The following MYO5B variants were observed in gnomAD, a reference collection of about 807,000 sequenced individuals.
The protein encoded by MYO5B is unconventional myosin-Vb.
In MYO5B, 143 loss-of-function variants were observed where a neutral mutation model predicts 229.3. The observed-to-expected ratio is 0.62, with a 90% CI of 0.54 to 0.72. The LOEUF (loss-of-function observed/expected upper bound fraction) is 0.72. Among genes scored for constraint, MYO5B ranks in the 30% least tolerant of loss-of-function variants. The pLI is 0.00. For missense variants in MYO5B, 2,321 were observed against 2,331.0 expected (o/e 1.00, Z 0.09); for synonymous variants, 918 against 885.2 (o/e 1.04, Z -0.66).
Position 49,848,009 on chromosome 18 carries a change from G to A in MYO5B, c.4316-720C>T, listed in dbSNP as rs750335057. On this transcript the variant is annotated intron_variant, in intron 32 of 39. Transcript: ENST00000285039. ...AAAGGCCTGGTCAACCCTCACTCAG[G>A]CCTCTCCTCAGCCTCACACCATGGT... Among the ~76,000 whole-genome samples, 9 of 152,262 alleles carry A rather than the reference G, an allele frequency of 5.9e-5. No individual in the cohort carries two copies. The East Asian group carries it at 1.5e-3, about 26-fold the overall frequency.
rs549203565 is a variant in MYO5B at position 49,932,227 on chromosome 18, G to A, written c.2004-2629C>T. 4.6e-4 allele frequency among the ~76,000 whole-genome samples: 70 copies of A among 152,196 alleles called. 2 individuals are homozygous for A. In the South Asian group the frequency reaches 0.013, roughly 28 times the overall value. On this transcript the variant is annotated intron_variant, in intron 16 of 39. Coordinates refer to ENST00000285039, the MANE Select transcript of MYO5B (RefSeq NM_001080467.3). ...TTCCTGACCTCTGGCATCCCAGTTC[G>A]GTCCTGTTGAAGGGCCAGGCAATGG...
chr18:50,181,539 G>A (rs1157496917), intron 1 of MYO5B, among the ~76,000 whole-genome samples: 1 of 152,208 alleles, frequency 6.6e-6, no homozygotes, highest in Non-Finnish European at 1.5e-5. Flanking sequence ...CTATCTTCCA[G>A]ACAAAGATAT....
chr18:49,924,876 A>G (rs922749743), intron 17 of MYO5B, among the ~76,000 whole-genome samples: 1 of 152,188 alleles, frequency 6.6e-6, no homozygotes, highest in Non-Finnish European at 1.5e-5. Flanking sequence ...CCATGCCACA[A>G]TGTCCTTTCT....
At chr18:50,000,522 C>T (rs1011350460) in intron 5 of MYO5B, among the ~76,000 whole-genome samples, 9 of 152,172 alleles carry the variant, frequency 5.9e-5, no homozygotes, top group Non-Finnish European at 1.3e-4. Flanking sequence ...TCTAATCCAT[C>T]AAAATGAAGG....
intron 17 of MYO5B, among the ~76,000 whole-genome samples, chr18:49,912,684 C>T (rs1418955880): frequency 6.6e-6 from 1 of 152,170 alleles, no homozygotes; most frequent in Non-Finnish European, 1.5e-5. Context: ...CTTTGCTCCT[C>T]CTTTGTCTTC....
chr18:49,865,989 C>T (rs948029363), intron 27 of MYO5B, among the ~76,000 whole-genome samples: 13 of 152,332 alleles, frequency 8.5e-5, no homozygotes, highest in African/African-American at 2.4e-4. Flanking sequence ...ATTCCCTCAT[C>T]ATCCTTTCTG....
chr18:50,056,045 G>A (rs1366186410), intron 1 of MYO5B, among the ~76,000 whole-genome samples: 1 of 152,148 alleles, frequency 6.6e-6, no homozygotes, highest in African/African-American at 2.4e-5. Context: ...AAAGTGTTGG[G>A]ATGACAGACA....
intron 1 of MYO5B, among the ~76,000 whole-genome samples, chr18:50,173,450 G>A (rs1026075625): frequency 3.9e-5 from 6 of 152,172 alleles, no homozygotes; most frequent in Non-Finnish European, 7.4e-5. Flanking sequence ...TTCCAAAAGA[G>A]GAGTGACAGA....
At chr18:50,038,126 G>A (rs1302370618) in intron 3 of MYO5B, among the ~76,000 whole-genome samples, 1 of 152,128 alleles carries the variant, frequency 6.6e-6, no homozygotes, top group Non-Finnish European at 1.5e-5. Flanking sequence ...GCCTGTAGAA[G>A]GAAAAAATTG....
intron 10 of MYO5B, chr18:49,969,728 G>A (rs1235057893): frequency 1.3e-5 from 2 of 152,190 alleles, no homozygotes; most frequent in African/African-American, 4.8e-5. Flanking sequence ...GAATAGAGTT[G>A]GATGCTAATT....
chr18:50,101,731 A>C (rs1477349750), intron 1 of MYO5B, among the ~76,000 whole-genome samples: 4 of 152,194 alleles, frequency 2.6e-5, no homozygotes, highest in Non-Finnish European at 5.9e-5. Flanking sequence ...TAAAAAGTAA[A>C]GAAACAATAG....
At chr18:50,064,412 C>A (rs2030767571) in intron 1 of MYO5B, 1 of 152,234 alleles carries the variant, frequency 6.6e-6, no homozygotes, top group African/African-American at 2.4e-5. Context: ...CAGATCCAAT[C>A]AAGTAGCTAA....
chr18:50,073,065 T>G (rs2030995841), intron 1 of MYO5B, among the ~76,000 whole-genome samples: 1 of 152,200 alleles, frequency 6.6e-6, no homozygotes, highest in African/African-American at 2.4e-5. Context: ...CACCTAATCC[T>G]TCACACAGGA....
chr18:49,891,379 G>C (rs2024712607), intron 22 of MYO5B, among the ~76,000 whole-genome samples: 1 of 152,142 alleles, frequency 6.6e-6, no homozygotes, highest in South Asian at 2.1e-4. Flanking sequence ...AGCCCTTGGG[G>C]GGTAATTCAC....
chr18:49,897,816 A>G (rs1317040148), intron 21 of MYO5B, among the ~76,000 whole-genome samples: 1 of 152,188 alleles, frequency 6.6e-6, no homozygotes, highest in Non-Finnish European at 1.5e-5. Context: ...GACAGTTTAT[A>G]AAGTCGATAG....
At position 49,824,528 on chromosome 18, in the gene MYO5B, T is replaced by A. The variant is rs2023818185; in HGVS notation, c.*1943A>T. ...AGTGTATAAGGATAGTAAGCCACTG[T>A]GTTTGTGGAACCACTGCATGTCAAA... On this transcript the variant is annotated 3_prime_UTR_variant, in exon 40 of 40. Coordinates refer to ENST00000285039, the MANE Select transcript of MYO5B (RefSeq NM_001080467.3). 6.6e-6 allele frequency: 1 copy of A among 152,434 alleles called. No homozygotes were observed. The highest frequency in any genetic ancestry group is 2.4e-5 in the African/African-American group (1 of 41,486). The allele number at this position is 152,434 out of a possible 1,614,324, so 9.4% of individuals were successfully genotyped here.
chr18:50,103,055 C>A (rs1440207807), intron 1 of MYO5B, among the ~76,000 whole-genome samples: 1 of 152,240 alleles, frequency 6.6e-6, no homozygotes, highest in Non-Finnish European at 1.5e-5. Context: ...CCCACTTCTC[C>A]CCTGCCCCGC....
intron 13 of MYO5B, among the ~76,000 whole-genome samples, chr18:49,954,022 A>ATGTG (rs1265216409): frequency 8.5e-5 from 11 of 129,902 alleles, no homozygotes; most frequent in African/African-American, 1.5e-4. Flanking sequence ...GTATGTATTT[A>ATGTG]TATGTGTGTG....
chr18:49,835,249 T>G (rs2144028517), intron 39 of MYO5B, 95 bp downstream of exon 39: 3 of 878,020 alleles, frequency 3.4e-6, no homozygotes, highest in Non-Finnish European at 3.9e-6. Flanking sequence ...TAACCAGTAT[T>G]TTAGTAATAA....
Sources: allele counts gnomAD v4.1 joint callset (sites outside exome capture counted in the v4.1 genomes callset), GRCh38; gene constraint gnomAD v4.1.1; transcripts MANE v1.5; gene names NCBI Gene and HGNC (gene_info 2026-07-23, HGNC 2026-07-21).